Variants in LEF1 observed in about 807,000 individuals in gnomAD.
The protein encoded by LEF1 is lymphoid enhancer-binding factor 1.
Under a neutral mutation model 51.2 loss-of-function variants are expected in LEF1, and 14 were observed. That is an observed-to-expected ratio of 0.27 (90% CI 0.18 to 0.43). LEF1 has a LOEUF of 0.43. Ranked by LOEUF, LEF1 falls within the 20% of genes least tolerant of loss-of-function variation. The probability of loss-of-function intolerance (pLI) is 1.00; values close to 1 mark genes in which losing one functional copy is unlikely to be tolerated. For synonymous variants in LEF1, 185 were observed against 183.2 expected, an observed-to-expected ratio of 1.01 and a Z score of -0.08; for missense variants, 386 against 512.0, an observed-to-expected ratio of 0.75 and a Z score of 2.37.
intron 3 of LEF1, among the ~76,000 whole-genome samples, chr4:108,111,942 T>C (rs1741557835): frequency 6.6e-6 from 1 of 152,136 alleles, no homozygotes; most frequent in Non-Finnish European, 1.5e-5. Context: ...ACAAAAAAAG[T>C]GGCAGCAGGA....
chr4:108,093,422 A>C (rs1344481424), intron 3 of LEF1, among the ~76,000 whole-genome samples: 1 of 152,112 alleles, frequency 6.6e-6, no homozygotes, highest in Non-Finnish European at 1.5e-5. Flanking sequence ...GGAAGGAGGG[A>C]GAGAGGGTAA....
intron 11 of LEF1, among the ~76,000 whole-genome samples, chr4:108,059,207 G>A (rs1737509166): frequency 6.6e-6 from 1 of 152,244 alleles, no homozygotes; most frequent in African/African-American, 2.4e-5. Context: ...ACAACCGGGT[G>A]AATAAAGCAC....
chr4:108,099,621 T>TATAA (rs1740677214), intron 3 of LEF1, among the ~76,000 whole-genome samples: 1 of 125,508 alleles, frequency 8.0e-6, no homozygotes, highest in African/African-American at 2.9e-5. Flanking sequence ...TATATATAAA[T>TATAA]AATACTTGAA....
intron 3 of LEF1, among the ~76,000 whole-genome samples, chr4:108,118,546 C>T (rs570514778): frequency 7.2e-5 from 11 of 152,330 alleles, no homozygotes; most frequent in African/African-American, 2.6e-4. Context: ...CTATGTAAGG[C>T]CACCTCAGGT....
rs1737906816 is a variant in LEF1 at position 108,064,330 on chromosome 4, G to A, written c.1165+6C>T. ...AGGATTGACTGGAAAGTCTCATGGTGCCTACCTGATGCAGATTCCTGTAGT... is the reference window on the plus strand; with the variant it reads ...AGGATTGACTGGAAAGTCTCATGGTACCTACCTGATGCAGATTCCTGTAGT... On this transcript the variant is annotated splice_donor_region_variant and intron_variant, in intron 10 of 11. Coordinates refer to ENST00000265165, the MANE Select transcript of LEF1 (RefSeq NM_016269.5). The A allele has an allele frequency of 1.2e-6, 2 of 1,608,148 alleles. No homozygotes were observed. Among genetic ancestry groups the A allele is most frequent in the African/African-American group, 1.3e-5 (1 of 74,780 alleles).
intron 3 of LEF1, among the ~76,000 whole-genome samples, chr4:108,137,390 G>T (rs1482467016): frequency 6.6e-6 from 1 of 152,062 alleles, no homozygotes; most frequent in Non-Finnish European, 1.5e-5. Flanking sequence ...AATCAAAAAA[G>T]CAATTAAAAC....
chr4:108,060,474 G>A lies in LEF1; in HGVS notation c.*6+3149C>T, dbSNP rs563911413. On this transcript the variant is annotated intron_variant, in intron 11 of 11. Coordinates refer to ENST00000265165, the MANE Select transcript of LEF1 (RefSeq NM_016269.5). ...GGCTTTAGGTGACCTGCCCCAGGCC[G>A]CACAAATTTATACAAGAGCTAACCT... Among the ~76,000 whole-genome samples the A allele has an allele frequency of 3.9e-5, 6 of 152,104 alleles. No individual in the cohort carries two copies. In the East Asian group the frequency reaches 9.7e-4, roughly 25 times the overall value.
At chr4:108,104,895 G>A (rs1473767941) in intron 3 of LEF1, among the ~76,000 whole-genome samples, 1 of 152,104 alleles carries the variant, frequency 6.6e-6, no homozygotes, top group Non-Finnish European at 1.5e-5. Context: ...AACTGCCAGA[G>A]GACAATTAGG....
rs879343656 is a variant in LEF1, at chr4:108,120,005, G to A, written c.415-30748C>T. 8.3e-3 allele frequency among the ~76,000 whole-genome samples: 1,233 copies of A among 148,948 alleles called. 15 individuals carry two copies. Among genetic ancestry groups the A allele is most frequent in the African/African-American group, 0.026 (1,053 of 40,848 alleles). On this transcript the variant is annotated intron_variant, in intron 3 of 11. Coordinates refer to ENST00000265165, the MANE Select transcript of LEF1 (RefSeq NM_016269.5). ...GTATATTTTATATATGTGTGTGTGT[G>A]TGTGTGTGTGTGTGTGTGTGTGTGT... is the stretch of plus-strand genomic sequence containing the variant.
At chr4:108,086,829 TACACAC>T (rs139231288) in intron 4 of LEF1, among the ~76,000 whole-genome samples, 12 of 149,428 alleles carry the variant, frequency 8.0e-5, no homozygotes, top group African/African-American at 2.9e-4. Context: ...CACACACACT[TACACAC>T]ACACACACAC....
rs779638638 is a variant in LEF1 at position 108,112,217 on chromosome 4, T to C, written c.415-22960A>G. Among the ~76,000 whole-genome samples the C allele has an allele frequency of 5.9e-5, 9 of 152,276 alleles. No homozygotes were observed. The South Asian group carries it at 1.0e-3, about 18-fold the overall frequency. On this transcript the variant is annotated intron_variant, in intron 3 of 11. Transcript: ENST00000265165. ...TCTCTGGAACCCTGTCCTATGAGCT[T>C]ATGATGGTTTTCGTGTGGTCAGATG...
chr4:108,157,227 C>CACAT (rs1744791061), intron 3 of LEF1, among the ~76,000 whole-genome samples: 1 of 148,368 alleles, frequency 6.7e-6, no homozygotes, highest in South Asian at 2.2e-4. Context: ...CACAAACACA[C>CACAT]ATATAGCTCT....
intron 10 of LEF1, 35 bp downstream of exon 10, chr4:108,064,301 C>T (rs1459662535): frequency 6.6e-7 from 1 of 1,525,788 alleles, no homozygotes; most frequent in Non-Finnish European, 9.1e-7. Flanking sequence ...TTGTCAGAAG[C>T]CTGAGGATTG....
rs1367175270 is a variant in LEF1 at position 108,167,009 on chromosome 4, A to T, written c.213+546T>A. ...CGGCCTGCTCCCCGCGGCCCGGCTC[A>T]CCGGTGGTAGGGACGGCCCCGCCTG... On this transcript the variant is annotated intron_variant, in intron 1 of 11. Coordinates refer to ENST00000265165, the MANE Select transcript of LEF1 (RefSeq NM_016269.5). This position sits in a 1 kb window ranked among gnomAD's most constrained non-coding sequence, Gnocchi z 5.7. Among the ~76,000 whole-genome samples the T allele has an allele frequency of 6.6e-6, 1 of 151,750 alleles. No homozygotes were observed. The highest frequency in any genetic ancestry group is 1.5e-5 in the Non-Finnish European group (1 of 67,924).
chr4:108,143,233 A>G (rs922027835), intron 3 of LEF1, among the ~76,000 whole-genome samples: 1 of 152,306 alleles, frequency 6.6e-6, no homozygotes, highest in African/African-American at 2.4e-5. Context: ...ACTGGGTTAC[A>G]GTTTTTATGT....
chr4:108,128,741 A>G (rs1742694429), intron 3 of LEF1, among the ~76,000 whole-genome samples: 1 of 152,208 alleles, frequency 6.6e-6, no homozygotes, highest in South Asian at 2.1e-4. Context: ...AGGTAAGACT[A>G]AAAAATGTAC....
At position 108,167,771 on chromosome 4, in the gene LEF1, G is replaced by A. The variant is rs935887251; in HGVS notation, c.-4C>T. On this transcript the variant is annotated 5_prime_UTR_variant, in exon 1 of 12. Transcript: ENST00000265165. This position sits in a 1 kb window ranked among gnomAD's most constrained non-coding sequence, Gnocchi z 5.7. ...CTCCTCCGGAGAGTTGGGGCATCCC[G>A]GCGGCTCTGTAATCTCCGCTCCGCT... 2 of 1,611,042 alleles carry A rather than the reference G, an allele frequency of 1.2e-6. No individual in the cohort carries two copies. Among genetic ancestry groups the A allele is most frequent in the Non-Finnish European group, 1.7e-6 (2 of 1,179,700 alleles).
At chr4:108,147,103 G>A (rs1000771670) in intron 3 of LEF1, among the ~76,000 whole-genome samples, 1 of 152,100 alleles carries the variant, frequency 6.6e-6, no homozygotes, top group Admixed American at 6.5e-5. Context: ...ACTCCAGCCT[G>A]GGTTACAGAG....
At chr4:108,067,448 T>C (rs1738150327) in intron 9 of LEF1, among the ~76,000 whole-genome samples, 1 of 151,940 alleles carries the variant, frequency 6.6e-6, no homozygotes, top group South Asian at 2.1e-4. Flanking sequence ...ACAATGAAGT[T>C]TACAAAGGTC....
Sources: allele counts gnomAD v4.1 joint callset (sites outside exome capture counted in the v4.1 genomes callset), GRCh38; gene constraint gnomAD v4.1.1; non-coding constraint Gnocchi (gnomAD v3.1); transcripts MANE v1.5; gene names NCBI Gene and HGNC (gene_info 2026-07-23, HGNC 2026-07-21).